The following ZNF587B variants were observed in gnomAD, a reference collection of about 807,000 sequenced individuals.
ZNF587B encodes the protein zinc finger protein 587B.
ZNF587B carries 6 observed loss-of-function variants against 7.2 expected under a neutral mutation model. The ratio of observed to expected loss-of-function variants is 0.83; its 90% CI spans 0.46 to 1.65. The LOEUF is 1.65. Among genes scored for constraint, ZNF587B ranks in the 40% most tolerant of loss-of-function variants. ZNF587B has a pLI of 0.01. For synonymous variants in ZNF587B, 274 were observed against 254.3 expected (o/e 1.08, Z -0.74); for missense variants, 749 against 761.0 (o/e 0.98, Z 0.19).
At position 57,842,830 on chromosome 19, in the gene ZNF587B, T is replaced by G; in HGVS notation, c.*254T>G. The G allele has an allele frequency of 2.0e-6, 2 of 985,430 alleles. No individual in the cohort carries two copies. The highest frequency in any genetic ancestry group is 2.4e-6 in the Non-Finnish European group (2 of 829,932). 61.0% of individuals were successfully genotyped at this position (985,430 alleles called of 1,614,324 possible). ...ACTAGTGTGGCAAATATAGGCTATT[T>G]ATCCAGAAGTCTGGCTTCAAAACTC... On this transcript the variant is annotated 3_prime_UTR_variant, in exon 3 of 3. Coordinates refer to ENST00000594901, the MANE Select transcript of ZNF587B (RefSeq NM_001376223.1).
rs769132424 is a variant in ZNF587B, at chr19:57,841,718, C to T, written c.1044C>T (p.His348=). ...NVNLKSHQRI[H]TGERPYKCGE... is the part of the protein sequence containing the mutation. ...ACCTTAAGAGTCATCAGCGCATTCA[C>T]ACTGGAGAGAGACCTTACAAGTGTG... Residue 348 remains histidine, a synonymous_variant, in exon 3 of 3, where the codon CAC becomes CAT. Coordinates refer to ENST00000594901, the MANE Select transcript of ZNF587B (RefSeq NM_001376223.1). The T allele has an allele frequency of 1.7e-5, 27 of 1,607,660 alleles. No homozygotes were observed. The highest frequency in any genetic ancestry group is 2.1e-5 in the Non-Finnish European group (25 of 1,177,312).
chr19:57,837,819 A>C lies in ZNF587B; in HGVS notation c.37-1204A>C, dbSNP rs1988680465. 3.3e-5 allele frequency among the ~76,000 whole-genome samples: 5 copies of C among 151,852 alleles called. No homozygotes were observed. In the South Asian group the frequency reaches 1.0e-3, roughly 32 times the overall value. On this transcript the variant is annotated intron_variant, in intron 1 of 2. Transcript: ENST00000594901. ...AGGCTGGTCTCAAACTCCTGACCTC[A>C]GGCGATCCACCCGGCTCAGCCTCCT...
chr19:57,838,939 G>T, intron 1 of ZNF587B, 84 bp from the exon 2 acceptor site: 1 of 1,478,476 alleles, frequency 6.8e-7, no homozygotes, highest in Non-Finnish European at 9.3e-7. Flanking sequence ...AGGAGGATGT[G>T]CGAGAGTAGA....
rs1307943391 is a variant in ZNF587B at position 57,843,050 on chromosome 19, C to A, written c.*474C>A. ...TCACTCCATCACCCATGCTGGTGTG[C>A]AGTGCTGCGATCGTAGCTCACTGCA... On this transcript the variant is annotated 3_prime_UTR_variant, in exon 3 of 3. Coordinates refer to ENST00000594901, the MANE Select transcript of ZNF587B (RefSeq NM_001376223.1). 2 of 889,982 alleles carry A rather than the reference C, an allele frequency of 2.2e-6. No homozygotes were observed. The highest frequency in any genetic ancestry group is 2.7e-6 in the Non-Finnish European group (2 of 743,076). 55.1% of individuals were successfully genotyped at this position (889,982 alleles called of 1,614,324 possible).
Position 57,841,236 on chromosome 19 carries a change from C to T in ZNF587B, c.562C>T (p.Gln188Ter). The change falls in exon 3 of 3, where the codon CAG becomes TAG. Residue 188 changes from glutamine (Q) to a stop codon, truncating the protein, a stop_gained. Transcript: ENST00000594901. LOFTEE classifies it low-confidence loss of function (END_TRUNC). ...DFLPRSGLLQ[Q>*]EASHTGEKSN... is the part of the protein sequence containing the mutation. ...TTTGCCCAGGTCAGGATTACTCCAG[C>T]AGGAGGCCAGTCACACTGGGGAGAA... is the stretch of plus-strand genomic sequence containing the variant. The T allele has an allele frequency of 1.2e-6, 2 of 1,614,142 alleles. No homozygotes were observed. Among genetic ancestry groups the T allele is most frequent in the Non-Finnish European group, 1.7e-6 (2 of 1,180,026 alleles).
Position 57,841,522 on chromosome 19 carries a change from G to C in ZNF587B, c.848G>C (p.Ser283Thr). 1 of 1,583,528 alleles carries C rather than the reference G, an allele frequency of 6.3e-7. No homozygotes were observed. The highest frequency in any genetic ancestry group is 8.6e-7 in the Non-Finnish European group (1 of 1,164,244). The change falls in exon 3 of 3, where the codon AGC (serine) becomes ACC (threonine). Residue 283 changes from serine to threonine, a missense_variant. By Grantham distance (58) the Ser-to-Thr change is moderately conservative. Around this residue, in one of 3 missense-constraint regions of ZNF587B, gnomAD observed 656 missense variants for 596.5 expected, o/e 1.10. Transcript: ENST00000594901. Reference protein sequence around the residue: ...GECEKSFSQKSSLIQHQQFHT... With the variant: ...GECEKSFSQKTSLIQHQQFHT... ...TGTGAGAAATCTTTTAGTCAAAAGA[G>C]CAGCCTCATTCAACATCAGCAATTT...
chr19:57,832,095 GT>G (rs201831884), intron 1 of ZNF587B, among the ~76,000 whole-genome samples: 15 of 148,282 alleles, frequency 1.0e-4, no homozygotes, highest in Non-Finnish European at 1.9e-4. Flanking sequence ...TTTTCTTTTT[GT>G]TTTTTTTTGA....
chr19:57,830,490 AC>A lies in ZNF587B; in HGVS notation c.-36del. ...TCATGCCCATATCTCCTGGCTGGTC[AC>A]CCTCTCCTCCCAACCCTGCTTTAAA... On this transcript the variant is annotated 5_prime_UTR_variant, in exon 1 of 3. An upstream open reading frame in the 5' UTR gains an earlier in-frame stop. Coordinates refer to ENST00000594901, the MANE Select transcript of ZNF587B (RefSeq NM_001376223.1). 1.3e-6 allele frequency: 2 copies of A among 1,547,656 alleles called. No individual in the cohort carries two copies.
At position 57,843,189 on chromosome 19, in the gene ZNF587B, T is replaced by C. The variant is rs1181713635; in HGVS notation, c.*613T>C. 1 of 683,256 alleles carries C rather than the reference T, an allele frequency of 1.5e-6. No homozygotes were observed. Among genetic ancestry groups the C allele is most frequent in the African/African-American group, 2.0e-5 (1 of 51,120 alleles). 42.3% of individuals were successfully genotyped at this position (683,256 alleles called of 1,614,324 possible). A position where few individuals can be genotyped will look rare whatever the true frequency, so the allele number is the denominator to read the frequency against. ...TCTCATATTAGTAGATATAGGGTTTTACCATGTTTCCAGGCTGGTATCGAA... is the reference window on the plus strand; with the variant it reads ...TCTCATATTAGTAGATATAGGGTTTCACCATGTTTCCAGGCTGGTATCGAA... On this transcript the variant is annotated 3_prime_UTR_variant, in exon 3 of 3. Coordinates refer to ENST00000594901, the MANE Select transcript of ZNF587B (RefSeq NM_001376223.1).
At chr19:57,831,616 A>G (rs531656589) in intron 1 of ZNF587B, among the ~76,000 whole-genome samples, 1 of 152,190 alleles carries the variant, frequency 6.6e-6, no homozygotes, top group African/African-American at 2.4e-5. Context: ...CTGGTCTCGA[A>G]CACCTGATCT....
At chr19:57,839,189 CT>C (rs1406810687) in intron 2 of ZNF587B, 40 bp downstream of exon 2, 18 of 1,608,698 alleles carry the variant, frequency 1.1e-5, no homozygotes, top group Non-Finnish European at 1.5e-5. Context: ...GAGCTAGTCT[CT>C]GTTTTCCCCT....
rs771371494 is a variant in ZNF587B at position 57,843,600 on chromosome 19, GTTTTTTT to G, written c.*1038_*1044del. ...GTTGGTTGGTTGGTTGTTTTTTTTT[GTTTTTTT>G]TTTTTTTTTTTTTGGAGACAAAGTT... On this transcript the variant is annotated 3_prime_UTR_variant, in exon 3 of 3. Coordinates refer to ENST00000594901, the MANE Select transcript of ZNF587B (RefSeq NM_001376223.1). The G allele has an allele frequency of 8.2e-5, 53 of 648,842 alleles. 1 individual carries two copies. Among genetic ancestry groups the G allele is most frequent in the Admixed American group, 2.6e-4 (2 of 7,786 alleles). The allele number at this position is 648,842 out of a possible 1,614,324, so 40.2% of individuals were successfully genotyped here.
chr19:57,840,075 CAAAAAAAAAAAAAAAAAAAAAAAAAAAA>C lies in ZNF587B; in HGVS notation c.164-753_164-726del, dbSNP rs774635301. Among the ~76,000 whole-genome samples, 272 of 81,114 alleles carry C rather than the reference CAAAAAAAAAAAAAAAAAAAAAAAAAAAA, an allele frequency of 3.4e-3. 2 individuals carry two copies. The highest frequency in any genetic ancestry group is 5.5e-3 in the Non-Finnish European group (218 of 39,964). The allele number at this position is 81,114 out of a possible 152,430, so 53.2% of individuals were successfully genotyped here. ...GGGCAACAGAGCGAGACTCTGTCTC[CAAAAAAAAAAAAAAAAAAAAAAAAAAAA>C]AAAAAAAAAGCAGCACCCTGGAGGA... is the stretch of plus-strand genomic sequence containing the variant. On this transcript the variant is annotated intron_variant, in intron 2 of 2. Coordinates refer to ENST00000594901, the MANE Select transcript of ZNF587B (RefSeq NM_001376223.1).
intron 2 of ZNF587B, among the ~76,000 whole-genome samples, chr19:57,839,813 G>T (rs991396771): frequency 3.9e-5 from 6 of 152,076 alleles, no homozygotes; most frequent in African/African-American, 9.7e-5. Flanking sequence ...GGGGATGGTG[G>T]CTCGCTCCTG....
At chr19:57,836,910 C>T (rs12232813) in intron 1 of ZNF587B, among the ~76,000 whole-genome samples, 2 of 146,050 alleles carry the variant, frequency 1.4e-5, no homozygotes, top group African/African-American at 5.1e-5. Context: ...TTGCAGTGAG[C>T]TGAGATTGCA....
In ZNF587B at chr19:57,843,606, T is replaced by C. The variant is rs8102233; in HGVS notation, c.*1030T>C. On this transcript the variant is annotated 3_prime_UTR_variant, in exon 3 of 3. Coordinates refer to ENST00000594901, the MANE Select transcript of ZNF587B (RefSeq NM_001376223.1). ...TGGTTGGTTGTTTTTTTTTGTTTTTTTTTTTTTTTTTTTTGGAGACAAAGT... is the reference window on the plus strand; with the variant it reads ...TGGTTGGTTGTTTTTTTTTGTTTTTCTTTTTTTTTTTTTTGGAGACAAAGT... 1 of 908,322 alleles carries C rather than the reference T, an allele frequency of 1.1e-6. No individual in the cohort carries two copies. The highest frequency in any genetic ancestry group is 2.0e-5 in the African/African-American group (1 of 49,670). 56.3% of individuals were successfully genotyped at this position (908,322 alleles called of 1,614,324 possible). A position where few individuals can be genotyped will look rare whatever the true frequency, so the allele number is the denominator to read the frequency against.
intron 1 of ZNF587B, among the ~76,000 whole-genome samples, chr19:57,836,008 T>G (rs1360758424): frequency 2.6e-5 from 4 of 151,710 alleles, no homozygotes; most frequent in Non-Finnish European, 5.9e-5. Flanking sequence ...CGGACATTAT[T>G]GGCATTCATA....
Position 57,841,408 on chromosome 19 carries a change from G to A in ZNF587B, c.734G>A (p.Cys245Tyr), listed in dbSNP as rs747709972. Residue 245 changes from cysteine (C) to tyrosine (Y), a missense_variant, in exon 3 of 3, where the codon TGT becomes TAT. Cys to Tyr is a radical substitution (Grantham distance 194). Around this residue, in one of 3 missense-constraint regions of ZNF587B, gnomAD observed 656 missense variants for 596.5 expected, o/e 1.10. Coordinates refer to ENST00000594901, the MANE Select transcript of ZNF587B (RefSeq NM_001376223.1). Reference protein sequence around the residue: ...LLPREECYVCCECGKSFSKYV... With the variant: ...LLPREECYVCYECGKSFSKYV... ...CCTCGAGAAGAATGTTATGTGTGCT[G>A]TGAATGTGGGAAATCCTTTAGCAAA... is the stretch of plus-strand genomic sequence containing the variant. The A allele has an allele frequency of 6.3e-7, 1 of 1,585,144 alleles. No individual in the cohort carries two copies. Among genetic ancestry groups the A allele is most frequent in the Non-Finnish European group, 8.6e-7 (1 of 1,164,788 alleles).
chr19:57,832,332 G>C lies in ZNF587B; in HGVS notation c.36+1768G>C, dbSNP rs185332981. On this transcript the variant is annotated intron_variant, in intron 1 of 2. Transcript: ENST00000594901. Reference sequence around the variant, plus strand: ...AATCTCTTGACATTGTGATCCGCCCGCCTTGGCCTCCCAAAGTGTTGGGAT... The same window carrying C: ...AATCTCTTGACATTGTGATCCGCCCCCCTTGGCCTCCCAAAGTGTTGGGAT... 4.2e-3 allele frequency among the ~76,000 whole-genome samples: 639 copies of C among 152,286 alleles called. 6 individuals carry two copies. The highest frequency in any genetic ancestry group is 0.017 in the Admixed American group (263 of 15,302).
Sources: allele counts gnomAD v4.1 joint callset (sites outside exome capture counted in the v4.1 genomes callset), GRCh38; gene constraint gnomAD v4.1.1; regional missense constraint gnomAD v4.1.1; transcripts MANE v1.5; gene names NCBI Gene and HGNC (gene_info 2026-07-23, HGNC 2026-07-21).